Variants in KDM4B observed in about 807,000 individuals in gnomAD.
The protein encoded by KDM4B is lysine-specific demethylase 4B.
In KDM4B, 32 loss-of-function variants were observed where a neutral mutation model predicts 125.2. The ratio of observed to expected loss-of-function variants is 0.26; its 90% confidence interval spans 0.19 to 0.34. KDM4B has a LOEUF of 0.34. KDM4B is among the 10% of genes least tolerant of loss of function. KDM4B has a pLI of 1.00. For missense variants in KDM4B, 1,190 were observed against 1,577.7 expected (o/e 0.75, Z 4.16); for synonymous variants, 721 against 677.9 (o/e 1.06, Z -0.99).
chr19:5,137,760 C>T (rs2039675151), intron 17 of KDM4B, 84 bp downstream of exon 17: 2 of 1,319,576 alleles, frequency 1.5e-6, no homozygotes, highest in Non-Finnish European at 2.1e-6. Context: ...ACCCCAGTGC[C>T]TAGGGGTTGA....
chr19:5,127,340 C>T (rs2039466525), intron 11 of KDM4B, among the ~76,000 whole-genome samples: 2 of 152,300 alleles, frequency 1.3e-5, no homozygotes, highest in African/African-American at 2.4e-5. Context: ...GGAATGGCTG[C>T]GGGGTGTGCC....
intron 6 of KDM4B, among the ~76,000 whole-genome samples, chr19:5,059,289 C>T (rs996668543): frequency 8.5e-5 from 13 of 152,366 alleles, no homozygotes; most frequent in South Asian, 2.1e-4. Context: ...CCTCCACACT[C>T]GCCAGCAGCA....
At chr19:5,099,556 G>T (rs1358690850) in intron 9 of KDM4B, among the ~76,000 whole-genome samples, 1 of 152,224 alleles carries the variant, frequency 6.6e-6, no homozygotes, top group Non-Finnish European at 1.5e-5. Context: ...AGCCAACATG[G>T]CAGGTTAGCA....
At chr19:5,030,791 G>A (rs1455063825) in intron 2 of KDM4B, among the ~76,000 whole-genome samples, 1 of 152,262 alleles carries the variant, frequency 6.6e-6, no homozygotes, top group Non-Finnish European at 1.5e-5. Flanking sequence ...CATCTGTGAT[G>A]CACAGAGCAG....
Position 4,971,491 on chromosome 19 carries a change from G to T in KDM4B, c.-109+2261G>T, listed in dbSNP as rs1421596231. Among the ~76,000 whole-genome samples the T allele has an allele frequency of 2.0e-5, 3 of 152,276 alleles. No homozygotes were observed. The highest frequency in any genetic ancestry group is 7.2e-5 in the African/African-American group (3 of 41,552). On this transcript the variant is annotated intron_variant, in intron 1 of 22. Coordinates refer to ENST00000159111, the MANE Select transcript of KDM4B (RefSeq NM_015015.3). The surrounding 1 kb of genome is among the most constrained non-coding windows in gnomAD (Gnocchi z 4.1). ...CCTGATGAGCCGGGGAGGAGCCTCA[G>T]CTCTGGGGAAGCCATCTGTCCTCGG...
intron 6 of KDM4B, among the ~76,000 whole-genome samples, chr19:5,048,409 G>A (rs1011430241): frequency 1.3e-5 from 2 of 152,236 alleles, no homozygotes; most frequent in Non-Finnish European, 2.9e-5. Context: ...AACCTGCTGG[G>A]TGCTCCGCGG....
chr19:5,047,456 G>T lies in KDM4B; in HGVS notation c.433-20G>T. The stretch of plus-strand genomic sequence containing the variant: ...TGGGGGTGGCCGGGCGGTTGCCGAC[G>T]CTGCTCTGCCGCCCCACAGGACGTG... On this transcript the variant is annotated intron_variant, in intron 5 of 22. Transcript: ENST00000159111. 2 of 1,582,716 alleles carry T rather than the reference G, an allele frequency of 1.3e-6. No homozygotes were observed. The highest frequency in any genetic ancestry group is 1.7e-4 in the Middle Eastern group (1 of 5,926).
At chr19:5,023,472 G>A (rs1346300267) in intron 2 of KDM4B, among the ~76,000 whole-genome samples, 2 of 152,196 alleles carry the variant, frequency 1.3e-5, no homozygotes. Context: ...GCTGCATCGC[G>A]GGTTCCTCCT....
chr19:5,125,230 C>T (rs1396254281), intron 11 of KDM4B, among the ~76,000 whole-genome samples: 1 of 152,120 alleles, frequency 6.6e-6, no homozygotes, highest in Non-Finnish European at 1.5e-5. Flanking sequence ...CTAATCTTCC[C>T]AAGCCCACTG....
intron 2 of KDM4B, among the ~76,000 whole-genome samples, chr19:5,031,923 G>A (rs1368173749): frequency 2.0e-5 from 3 of 152,218 alleles, no homozygotes; most frequent in Admixed American, 6.5e-5. Context: ...ACAGCGTGGG[G>A]AGGTGGATTT....
rs1459777749 is a variant in KDM4B, at chr19:5,035,735, G to A, written c.141+2704G>A. Among the ~76,000 whole-genome samples the A allele has an allele frequency of 6.6e-6, 1 of 152,122 alleles. No individual in the cohort carries two copies. The highest frequency in any genetic ancestry group is 1.5e-5 in the Non-Finnish European group (1 of 68,020). ...GCGTGTTCCTTCCCATGCCTCTGCA[G>A]CGGCAGCTCCCATGCTGCTTCTCCT... On this transcript the variant is annotated intron_variant, in intron 3 of 22. Coordinates refer to ENST00000159111, the MANE Select transcript of KDM4B (RefSeq NM_015015.3). The surrounding 1 kb of genome is among the most constrained non-coding windows in gnomAD (Gnocchi z 5.3).
intron 6 of KDM4B, among the ~76,000 whole-genome samples, chr19:5,070,363 C>G (rs554898661): frequency 6.6e-6 from 1 of 152,210 alleles, no homozygotes; most frequent in African/African-American, 2.4e-5. Context: ...ACGGCATGAG[C>G]GGGATGCCAC....
At chr19:5,012,663 T>C (rs1409134961) in intron 1 of KDM4B, among the ~76,000 whole-genome samples, 1 of 152,202 alleles carries the variant, frequency 6.6e-6, no homozygotes, top group Non-Finnish European at 1.5e-5. Flanking sequence ...GGCATTTTGC[T>C]CAGGCTGGCA....
chr19:5,032,992 C>T lies in KDM4B; in HGVS notation c.102C>T (p.Tyr34=), dbSNP rs1568242014. The T allele has an allele frequency of 6.2e-7, 1 of 1,614,032 alleles. No individual in the cohort carries two copies. Among genetic ancestry groups the T allele is most frequent in the East Asian group, 2.2e-5 (1 of 44,872 alleles). ...AAGACTTCAACAAATACGTGGCCTACATAGAGTCGCAGGGAGCCCACCGGG... is the reference window on the plus strand; with the variant it reads ...AAGACTTCAACAAATACGTGGCCTATATAGAGTCGCAGGGAGCCCACCGGG... ...EFKDFNKYVA[Y]IESQGAHRAG... The change falls in exon 3 of 23, where the codon TAC becomes TAT. Residue 34 remains tyrosine (Y), a synonymous_variant. Transcript: ENST00000159111.
At chr19:5,113,956 G>GCCACCTTA in intron 10 of KDM4B, 1 of 1,227,812 alleles carries the variant, frequency 8.1e-7, no homozygotes, top group South Asian at 1.4e-5. Context: ...CTCCCTGCTC[G>GCCACCTTA]CCACCTTACA....
intron 2 of KDM4B, among the ~76,000 whole-genome samples, chr19:5,032,213 C>A (rs1448809320): frequency 6.6e-6 from 1 of 152,202 alleles, no homozygotes; most frequent in Admixed American, 6.5e-5. Context: ...AATCACTTGG[C>A]CTGGTGCAAT....
chr19:5,064,891 C>T (rs1255459381), intron 6 of KDM4B, among the ~76,000 whole-genome samples: 7 of 152,246 alleles, frequency 4.6e-5, no homozygotes, highest in Admixed American at 4.6e-4. Flanking sequence ...AGACTTTGCC[C>T]CGATCTCGGG....
At chr19:5,046,554 C>G (rs2037032822) in intron 5 of KDM4B, among the ~76,000 whole-genome samples, 1 of 152,204 alleles carries the variant, frequency 6.6e-6, no homozygotes, top group African/African-American at 2.4e-5. Flanking sequence ...CTGGGCTCCT[C>G]TCGGCCTCTC....
intron 1 of KDM4B, among the ~76,000 whole-genome samples, chr19:5,001,893 A>G (rs80096864): frequency 8.5e-4 from 128 of 150,424 alleles, no homozygotes; most frequent in Non-Finnish European, 1.6e-3. Flanking sequence ...CATACTTTTC[A>G]CTTGCTTTTT....
Sources: gnomAD v4.1 joint callset for allele counts (sites outside exome capture counted in the v4.1 genomes callset) on GRCh38, gnomAD v4.1.1 for gene constraint, Gnocchi (gnomAD v3.1) non-coding constraint, MANE v1.5 for transcripts, NCBI Gene and HGNC (gene_info 2026-07-23, HGNC 2026-07-21) for gene names.